Variants in CELSR1 observed in about 807,000 individuals in gnomAD.
The protein encoded by CELSR1 is adhesion G protein-coupled receptor C1.
In CELSR1, 110 loss-of-function variants were observed where a neutral mutation model predicts 249.1. The ratio of observed to expected loss-of-function variants is 0.44; its 90% CI spans 0.38 to 0.52. CELSR1 has a LOEUF of 0.52. CELSR1 is among the 20% of genes least tolerant of loss of function. The pLI, the probability that CELSR1 is intolerant of heterozygous loss-of-function variation, is 0.00. For missense variants in CELSR1, 4,109 were observed against 4,296.4 expected (o/e 0.96, Z 1.22); for synonymous variants, 2,113 against 1,900.0 (o/e 1.11, Z -2.92).
chr22:46,396,609 T>C lies in CELSR1; in HGVS notation c.5839A>G (p.Asn1947Asp). The change falls in exon 13 of 35, where the codon AAC becomes GAC. Residue 1947 changes from asparagine (N) to aspartate (D), a missense_variant. By Grantham distance (23) the Asn-to-Asp change is conservative. This residue lies in a region of CELSR1 where 1,805 missense variants were observed against 1,831.6 expected (regional missense o/e 0.99). Coordinates refer to ENST00000674500, the MANE Select transcript of CELSR1 (RefSeq NM_001378328.1). This position sits in a 1 kb window ranked among gnomAD's most constrained non-coding sequence, Gnocchi z 6.4. ...GGCACCAGGGGCTGCTCTTACTTGTTCTCACAGTACGGCCCGTAGTGACTG... is the reference window on the plus strand; with the variant it reads ...GGCACCAGGGGCTGCTCTTACTTGTCCTCACAGTACGGCCCGTAGTGACTG... Reference protein sequence around the residue: ...GPSHYGPYCENKLDLPCPRGW... With the variant: ...GPSHYGPYCEDKLDLPCPRGW... 7 of 1,577,304 alleles carry C rather than the reference T, an allele frequency of 4.4e-6. No individual in the cohort carries two copies. The highest frequency in any genetic ancestry group is 6.0e-6 in the Non-Finnish European group (7 of 1,163,136).
chr22:46,496,581 A>AT (rs35172776), intron 1 of CELSR1, among the ~76,000 whole-genome samples: 12 of 151,534 alleles, frequency 7.9e-5, no homozygotes, highest in Admixed American at 4.0e-4. Flanking sequence ...AAATATATAT[A>AT]TTTTTTCTTT....
rs1319961480 is a variant in CELSR1, at chr22:46,436,216, G to A, written c.4480C>T (p.Leu1494=). The A allele has an allele frequency of 6.2e-7, 1 of 1,614,086 alleles. No homozygotes were observed. Among genetic ancestry groups the A allele is most frequent in the East Asian group, 2.2e-5 (1 of 44,880 alleles). ...RFNEKHDFIA[L]EIVDEQVQLT... is the part of the protein sequence containing the mutation. ...TGCACCTGCTCGTCCACGATCTCCA[G>A]GGCGATGAAGTCGTGCTTCTCATTG... is the stretch of plus-strand genomic sequence containing the variant. Residue 1494 remains leucine, a synonymous_variant, in exon 4 of 35, where the codon CTG becomes TTG. Transcript: ENST00000674500. The surrounding 1 kb of genome is among the most constrained non-coding windows in gnomAD (Gnocchi z 5.9).
chr22:46,367,520 G>C (rs1006120496), intron 28 of CELSR1, among the ~76,000 whole-genome samples: 1 of 152,216 alleles, frequency 6.6e-6, no homozygotes, highest in African/African-American at 2.4e-5. Flanking sequence ...CCTGGCACTA[G>C]GGTCATCGTC....
chr22:46,534,047 C>T lies in CELSR1; in HGVS notation c.3124G>A (p.Asp1042Asn), dbSNP rs751337673. The part of the protein sequence containing the change: ...AQIMYQIVEG[D>N]MRHFFQLDLL... ...TCCAGCTGGAAGAAATGCCGCATGT[C>T]CCCTTCCACAATCTGATACATGATC... The change falls in exon 1 of 35, where the codon GAC becomes AAC. Residue 1042 changes from aspartate (D) to asparagine (N), a missense_variant. By Grantham distance (23) the Asp-to-Asn change is conservative. Transcript: ENST00000674500. The surrounding 1 kb of genome is among the most constrained non-coding windows in gnomAD (Gnocchi z 9.7). 1.6e-4 allele frequency: 258 copies of T among 1,613,756 alleles called. 3 individuals carry two copies. In the South Asian group the frequency reaches 2.7e-3, roughly 17 times the overall value.
rs1483590011 is a variant in CELSR1, at chr22:46,434,216, C to T, written c.4523-735G>A. 2.6e-5 allele frequency among the ~76,000 whole-genome samples: 4 copies of T among 152,344 alleles called. No individual in the cohort carries two copies. Among genetic ancestry groups the T allele is most frequent in the Admixed American group, 6.5e-5 (1 of 15,308 alleles). On this transcript the variant is annotated intron_variant, in intron 4 of 34. Coordinates refer to ENST00000674500, the MANE Select transcript of CELSR1 (RefSeq NM_001378328.1). The surrounding 1 kb of genome is among the most constrained non-coding windows in gnomAD (Gnocchi z 4.9). The stretch of plus-strand genomic sequence containing the variant: ...ACACGTCCCATCGTGAGGTCGCGGA[C>T]GCGTCTCTTGTGCATCTCTGCTTTG...
At chr22:46,482,881 AG>A (rs2080280080) in intron 1 of CELSR1, among the ~76,000 whole-genome samples, 1 of 152,178 alleles carries the variant, frequency 6.6e-6, no homozygotes, top group Non-Finnish European at 1.5e-5. Flanking sequence ...TAGACAAGGG[AG>A]TGCTGGCATG....
rs145920721 is a variant in CELSR1, at chr22:46,378,595, C to T, written c.7379G>A (p.Arg2460His). The T allele has an allele frequency of 1.6e-4, 247 of 1,568,546 alleles. No individual in the cohort carries two copies. In the African/African-American group the frequency reaches 2.5e-3, roughly 16 times the overall value. ...TGGCCACGGGAGGATGCCCACCTCA[C>T]GCCTGGAGATATCCATGAGCACCGC... ...SFAVLMDISR[R>H]ENGEVLPLKI... is the part of the protein sequence containing the mutation. Residue 2460 changes from arginine (R) to histidine (H), a missense_variant, in exon 23 of 35, where the codon CGT becomes CAT. Coordinates refer to ENST00000674500, the MANE Select transcript of CELSR1 (RefSeq NM_001378328.1).
At position 46,410,965 on chromosome 22, in the gene CELSR1, TG is replaced by T. The variant is rs2079327452; in HGVS notation, c.4770-405del. On this transcript the variant is annotated intron_variant, in intron 6 of 34. Transcript: ENST00000674500. The surrounding 1 kb of genome is among the most constrained non-coding windows in gnomAD (Gnocchi z 6.8). Reference sequence around the variant, plus strand: ...AGAAGAAAATGAGAACCCAGCACTTTGGGAGGCTGAGGCGGGCAGATCACGA... The same window carrying T: ...AGAAGAAAATGAGAACCCAGCACTTTGGAGGCTGAGGCGGGCAGATCACGA... 6.6e-6 allele frequency among the ~76,000 whole-genome samples: 1 copy of T among 152,004 alleles called. No homozygotes were observed. Among genetic ancestry groups the T allele is most frequent in the Non-Finnish European group, 1.5e-5 (1 of 68,022 alleles).
rs184355350 is a variant in CELSR1 at position 46,511,477 on chromosome 22, T to C, written c.3544+22150A>G. ...CGTGGAGCAGACTTTCCTTCTGCTCTATTTCATAACACGATAGTGACTGTG... is the reference window on the plus strand; with the variant it reads ...CGTGGAGCAGACTTTCCTTCTGCTCCATTTCATAACACGATAGTGACTGTG... On this transcript the variant is annotated intron_variant, in intron 1 of 34. Coordinates refer to ENST00000674500, the MANE Select transcript of CELSR1 (RefSeq NM_001378328.1). Among the ~76,000 whole-genome samples, 530 of 152,354 alleles carry C rather than the reference T, an allele frequency of 3.5e-3. 2 individuals are homozygous for C. The highest frequency in any genetic ancestry group is 6.8e-3 in the Middle Eastern group (2 of 294).
rs1569135739 is a variant in CELSR1 at position 46,399,692 on chromosome 22, AGAG to A, written c.5412+22_5412+24del. On this transcript the variant is annotated intron_variant, in intron 10 of 34. Transcript: ENST00000674500. The surrounding 1 kb of genome is among the most constrained non-coding windows in gnomAD (Gnocchi z 5.0). The stretch of plus-strand genomic sequence containing the variant: ...TGGGCCGGAGGAAGGGTCTATCCCC[AGAG>A]GAGGTGCAGGTGCCAGCTCACCTGG... The A allele has an allele frequency of 1.2e-6, 2 of 1,611,464 alleles. No individual in the cohort carries two copies. Among genetic ancestry groups the A allele is most frequent in the South Asian group, 2.2e-5 (2 of 90,986 alleles).
At chr22:46,387,648 C>T (rs1285951244) in intron 18 of CELSR1, among the ~76,000 whole-genome samples, 7 of 152,106 alleles carry the variant, frequency 4.6e-5, no homozygotes, top group South Asian at 2.1e-4. Flanking sequence ...CGTGAGCGAC[C>T]GCGCCCGGCC....
At position 46,381,635 on chromosome 22, in the gene CELSR1, G is replaced by C. The variant is rs1376547156; in HGVS notation, c.7088+211C>G. ...ACCAGGATGAGCCCAGGCAAAGGGT[G>C]TGCAATGTTCCAGGGTGTGGTATCC... On this transcript the variant is annotated intron_variant, in intron 21 of 34. Transcript: ENST00000674500. The surrounding 1 kb of genome is among the most constrained non-coding windows in gnomAD (Gnocchi z 6.0). 1.3e-5 allele frequency among the ~76,000 whole-genome samples: 2 copies of C among 152,220 alleles called. No homozygotes were observed. Among genetic ancestry groups the C allele is most frequent in the East Asian group, 3.8e-4 (2 of 5,198 alleles).
chr22:46,492,085 C>CGGTCAGG (rs1316748821), intron 1 of CELSR1, among the ~76,000 whole-genome samples: 6 of 152,236 alleles, frequency 3.9e-5, no homozygotes, highest in African/African-American at 1.4e-4. Context: ...GAGAAGGCAA[C>CGGTCAGG]GGTCAGGGCG....
At chr22:46,442,240 G>A (rs2079759585) in intron 2 of CELSR1, among the ~76,000 whole-genome samples, 1 of 152,258 alleles carries the variant, frequency 6.6e-6, no homozygotes, top group Admixed American at 6.5e-5. Flanking sequence ...ACGGGGCTCT[G>A]GGGTGTGGGT....
chr22:46,381,018 C>T lies in CELSR1; in HGVS notation c.7089-63G>A, dbSNP rs189573402. 9.6e-5 allele frequency: 148 copies of T among 1,535,582 alleles called. No individual in the cohort carries two copies. The highest frequency in any genetic ancestry group is 8.1e-4 in the East Asian group (35 of 43,130). Reference sequence around the variant, plus strand: ...TGAGGAAACATCTGCTTAAATCCCGCGCACAAATGCCCTGAGGACACGCCA... The same window carrying T: ...TGAGGAAACATCTGCTTAAATCCCGTGCACAAATGCCCTGAGGACACGCCA... On this transcript the variant is annotated intron_variant, in intron 21 of 34. Transcript: ENST00000674500. The surrounding 1 kb of genome is among the most constrained non-coding windows in gnomAD (Gnocchi z 6.0).
rs751710252 is a variant in CELSR1, at chr22:46,394,251, G to A, written c.5855C>T (p.Pro1952Leu). 1.6e-5 allele frequency: 26 copies of A among 1,613,248 alleles called. 1 individual carries two copies. The highest frequency in any genetic ancestry group is 3.3e-5 in the South Asian group (3 of 91,042). Residue 1952 changes from proline (P) to leucine (L), a missense_variant, in exon 14 of 35, where the codon CCG (proline) becomes CTG (leucine). By Grantham distance (98) the Pro-to-Leu change is moderately conservative (BLOSUM62 -3). Transcript: ENST00000674500. ...GTTCCCCCACCAGCCTCTGGGGCACGGAAGGTCGAGTCTGTGGGGAAAATA... is the reference window on the plus strand; with the variant it reads ...GTTCCCCCACCAGCCTCTGGGGCACAGAAGGTCGAGTCTGTGGGGAAAATA... ...GPYCENKLDL[P>L]CPRGWWGNPV...
Position 46,439,212 on chromosome 22 carries a change from G to A in CELSR1, c.4383C>T (p.Arg1461=), listed in dbSNP as rs2079708082. The A allele has an allele frequency of 1.9e-6, 3 of 1,613,686 alleles. No individual in the cohort carries two copies. The highest frequency in any genetic ancestry group is 1.7e-5 in the Admixed American group (1 of 60,000). ...SFVTFRGLRQ[R]FHFTISLTFA... The stretch of plus-strand genomic sequence containing the variant: ...ACGTGAGGGAGATGGTGAAGTGGAA[G>A]CGCTGTCTCAGGCCCCGGAAGGTGA... The change falls in exon 3 of 35, where the codon CGC becomes CGT. Residue 1461 remains arginine (R), a synonymous_variant. Coordinates refer to ENST00000674500, the MANE Select transcript of CELSR1 (RefSeq NM_001378328.1).
In CELSR1 at chr22:46,390,722, T is replaced by C. The variant is rs566871694; in HGVS notation, c.6251-236A>G. 6.6e-6 allele frequency among the ~76,000 whole-genome samples: 1 copy of C among 152,234 alleles called. No homozygotes were observed. The highest frequency in any genetic ancestry group is 2.4e-5 in the African/African-American group (1 of 41,536). On this transcript the variant is annotated intron_variant, in intron 16 of 34. Coordinates refer to ENST00000674500, the MANE Select transcript of CELSR1 (RefSeq NM_001378328.1). The surrounding 1 kb of genome is among the most constrained non-coding windows in gnomAD (Gnocchi z 6.3). ...AGCCCAGCCAACAGGAGCCAGCACT[T>C]CCGAGCAAGTCCGTGAGGAAAGAAA...
chr22:46,513,917 C>T (rs571976295), intron 1 of CELSR1, among the ~76,000 whole-genome samples: 17 of 152,098 alleles, frequency 1.1e-4, no homozygotes, highest in East Asian at 5.8e-4. Flanking sequence ...CTCAGCCCCC[C>T]CCGAGTAGCT....
Sources: gnomAD v4.1 joint callset for allele counts (sites outside exome capture counted in the v4.1 genomes callset) on GRCh38, gnomAD v4.1.1 for gene constraint, gnomAD v4.1.1 regional missense constraint, Gnocchi (gnomAD v3.1) non-coding constraint, MANE v1.5 for transcripts, NCBI Gene and HGNC (gene_info 2026-07-23, HGNC 2026-07-21) for gene names.